The following TRAPPC9 variants were observed in gnomAD, a reference collection of about 807,000 sequenced individuals.
The protein encoded by TRAPPC9 is IKK2 binding protein.
A neutral mutation model predicts 124.0 loss-of-function variants in TRAPPC9; 83 were observed. The ratio of observed to expected loss-of-function variants is 0.67; its 90% CI spans 0.56 to 0.80. The LOEUF is 0.80. Ranked by LOEUF, TRAPPC9 falls within the 30% of genes least tolerant of loss-of-function variation. The probability of loss-of-function intolerance (pLI) is 0.00; values close to 1 mark genes in which losing one functional copy is unlikely to be tolerated. For missense variants in TRAPPC9, 1,302 were observed against 1,508.3 expected (o/e 0.86, Z 2.27); for synonymous variants, 638 against 617.5 (o/e 1.03, Z -0.49).
chr8:140,079,972 G>A (rs865790853), intron 17 of TRAPPC9, among the ~76,000 whole-genome samples: 1 of 151,880 alleles, frequency 6.6e-6, no homozygotes, highest in African/African-American at 2.4e-5. Flanking sequence ...GAAGAAGAAG[G>A]AGGAGGAGGA....
rs116625437 is a variant in TRAPPC9, at chr8:140,086,597, C to A, written c.2557-62518G>T. On this transcript the variant is annotated intron_variant, in intron 17 of 22. Transcript: ENST00000438773. ...ACTGTTCAATCCTTGTCAGTGCACA[C>A]AATCACACACTGCCAACACCACCTT... 3.3e-3 allele frequency among the ~76,000 whole-genome samples: 495 copies of A among 152,228 alleles called. 3 individuals carry two copies. Among genetic ancestry groups the A allele is most frequent in the African/African-American group, 0.011 (476 of 41,542 alleles).
At chr8:140,405,773 A>G (rs1397674956) in intron 5 of TRAPPC9, 75 bp from the exon 6 acceptor site, 1 of 1,571,656 alleles carries the variant, frequency 6.4e-7, no homozygotes, top group East Asian at 2.3e-5. Flanking sequence ...AGGAGCATGA[A>G]TAAGACAAAA....
intron 21 of TRAPPC9, among the ~76,000 whole-genome samples, chr8:139,855,072 G>C (rs1827717276): frequency 6.6e-6 from 1 of 152,196 alleles, no homozygotes; most frequent in African/African-American, 2.4e-5. Context: ...ATGTCTCTGA[G>C]AGGCGGGAGA....
intron 11 of TRAPPC9, among the ~76,000 whole-genome samples, chr8:140,297,342 A>G (rs1391728321): frequency 1.8e-5 from 2 of 113,142 alleles, no homozygotes; most frequent in African/African-American, 7.6e-5. Flanking sequence ...ATACACACAC[A>G]TGCATAGACA....
rs1028642398 is a variant in TRAPPC9, at chr8:139,742,945, T to C, written c.3056-10743A>G. 1.3e-5 allele frequency among the ~76,000 whole-genome samples: 2 copies of C among 151,988 alleles called. No individual in the cohort carries two copies. The highest frequency in any genetic ancestry group is 2.9e-5 in the Non-Finnish European group (2 of 67,988). Reference sequence around the variant, plus strand: ...GGCGGGTTTCCTCTGTCTAGGGTGGTGCTGAGCATGAGTTTCTGCCGTGCA... The same window carrying C: ...GGCGGGTTTCCTCTGTCTAGGGTGGCGCTGAGCATGAGTTTCTGCCGTGCA... On this transcript the variant is annotated intron_variant, in intron 21 of 22. Transcript: ENST00000438773. The surrounding 1 kb of genome is among the most constrained non-coding windows in gnomAD (Gnocchi z 4.7).
chr8:140,438,383 C>T (rs1215825940), intron 3 of TRAPPC9, among the ~76,000 whole-genome samples: 1 of 152,186 alleles, frequency 6.6e-6, no homozygotes, highest in Non-Finnish European at 1.5e-5. Flanking sequence ...TATGCCCATA[C>T]CACATTTCGT....
intron 16 of TRAPPC9, among the ~76,000 whole-genome samples, chr8:140,236,190 C>A (rs757346687): frequency 4.8e-5 from 7 of 147,194 alleles, no homozygotes; most frequent in Non-Finnish European, 1.0e-4. Flanking sequence ...TCAAGCGATT[C>A]TCCTGCCTCA....
intron 19 of TRAPPC9, among the ~76,000 whole-genome samples, chr8:139,959,009 C>A (rs1554680779): frequency 6.6e-5 from 10 of 150,410 alleles, no homozygotes; most frequent in African/African-American, 2.5e-4. Context: ...CCGAGTCACA[C>A]GGGGGAGGCC....
chr8:140,381,928 C>A (rs2068622407), intron 7 of TRAPPC9, among the ~76,000 whole-genome samples: 1 of 152,204 alleles, frequency 6.6e-6, no homozygotes. Context: ...AGCAATTTCA[C>A]TGCTAAGTAT....
chr8:140,030,907 T>C (rs1387081926), intron 17 of TRAPPC9, among the ~76,000 whole-genome samples: 1 of 152,124 alleles, frequency 6.6e-6, no homozygotes, highest in Non-Finnish European at 1.5e-5. Flanking sequence ...ATAAAAATAT[T>C]CTATATCTTT....
At chr8:140,281,234 T>C (rs370805419) in intron 14 of TRAPPC9, among the ~76,000 whole-genome samples, 52 of 152,322 alleles carry the variant, frequency 3.4e-4, no homozygotes, top group African/African-American at 1.1e-3. Flanking sequence ...AAAAGGGATG[T>C]CCCATCAGCA....
In TRAPPC9 at chr8:140,143,714, T is replaced by C. The variant is rs149889393; in HGVS notation, c.2556+77745A>G. On this transcript the variant is annotated intron_variant, in intron 17 of 22. Transcript: ENST00000438773. Reference sequence around the variant, plus strand: ...TGTATTTATCCTACCGGGTGCTGATTTTGTTAGTGGCATTTCAAATTTTTT... The same window carrying C: ...TGTATTTATCCTACCGGGTGCTGATCTTGTTAGTGGCATTTCAAATTTTTT... Among the ~76,000 whole-genome samples the C allele has an allele frequency of 5.4e-3, 816 of 152,354 alleles. 1 individual carries two copies. The highest frequency in any genetic ancestry group is 0.027 in the Middle Eastern group (8 of 294).
At chr8:139,815,652 A>G (rs1450149565) in intron 21 of TRAPPC9, among the ~76,000 whole-genome samples, 1 of 95,186 alleles carries the variant, frequency 1.1e-5, no homozygotes, top group Non-Finnish European at 1.8e-5. Flanking sequence ...TTAACCTCCC[A>G]AAGTGCTGAT....
At chr8:139,892,766 G>A (rs577618410) in intron 20 of TRAPPC9, among the ~76,000 whole-genome samples, 14 of 152,242 alleles carry the variant, frequency 9.2e-5, no homozygotes, top group East Asian at 7.7e-4. Context: ...CTATAGAAGC[G>A]CATCGAGGCA....
intron 19 of TRAPPC9, among the ~76,000 whole-genome samples, chr8:139,964,244 A>AAAAAAAT (rs59677763): frequency 7.2e-6 from 1 of 138,030 alleles, no homozygotes; most frequent in Non-Finnish European, 1.6e-5. Context: ...AAAAAAAAAA[A>AAAAAAAT]AGCGGGGGAG....
At chr8:140,409,970 C>T (rs1308161567) in intron 5 of TRAPPC9, among the ~76,000 whole-genome samples, 1 of 151,738 alleles carries the variant, frequency 6.6e-6, no homozygotes. Flanking sequence ...AATCCCATCT[C>T]CACAAAAAAA....
chr8:139,799,274 C>T (rs1253109654), intron 21 of TRAPPC9, among the ~76,000 whole-genome samples: 1 of 152,022 alleles, frequency 6.6e-6, no homozygotes, highest in Non-Finnish European at 1.5e-5. Flanking sequence ...CCATGTAATC[C>T]GGGATAATCC....
chr8:139,896,076 A>G (rs1830649683), intron 20 of TRAPPC9, among the ~76,000 whole-genome samples: 1 of 152,228 alleles, frequency 6.6e-6, no homozygotes, highest in Admixed American at 6.5e-5. Context: ...ATGAGCCATA[A>G]AATTATACAG....
intron 17 of TRAPPC9, among the ~76,000 whole-genome samples, chr8:140,057,753 G>T (rs1194928097): frequency 2.6e-5 from 4 of 152,158 alleles, no homozygotes; most frequent in Non-Finnish European, 5.9e-5. Flanking sequence ...TTAGAGATCT[G>T]CCATAAGACA....
Sources: allele counts gnomAD v4.1 joint callset (sites outside exome capture counted in the v4.1 genomes callset), GRCh38; gene constraint gnomAD v4.1.1; non-coding constraint Gnocchi (gnomAD v3.1); transcripts MANE v1.5; gene names NCBI Gene and HGNC (gene_info 2026-07-23, HGNC 2026-07-21).